Variants in TOM1L1 observed in about 807,000 individuals in gnomAD.
TOM1L1 encodes the protein TOM1-like protein 1.
A neutral mutation model predicts 63.4 loss-of-function variants in TOM1L1; 64 were observed. The observed-to-expected ratio is 1.01, with a 90% confidence interval of 0.83 to 1.24. The LOEUF (loss-of-function observed/expected upper bound fraction) is 1.24. TOM1L1 is among the 50% of genes most tolerant of loss of function. TOM1L1 has a pLI of 0.00. For synonymous variants in TOM1L1, 166 were observed against 194.4 expected (o/e 0.85, Z 1.22); for missense variants, 536 against 567.0 (o/e 0.95, Z 0.55).
At chr17:54,930,434 G>A (rs920534484) in intron 8 of TOM1L1, 2 of 459,182 alleles carry the variant, frequency 4.4e-6, no homozygotes, top group African/African-American at 2.0e-5. Context: ...GCCCAGCATG[G>A]TGGCTCCCAG....
chr17:54,903,312 CTCA>C (rs1447670760), intron 1 of TOM1L1, among the ~76,000 whole-genome samples: 1 of 152,244 alleles, frequency 6.6e-6, no homozygotes, highest in Non-Finnish European at 1.5e-5. Context: ...GAACTTCTAT[CTCA>C]TCATCTCTCA....
intron 7 of TOM1L1, among the ~76,000 whole-genome samples, chr17:54,918,634 T>G (rs2048630775): frequency 6.6e-6 from 1 of 152,182 alleles, no homozygotes; most frequent in Non-Finnish European, 1.5e-5. Flanking sequence ...AAAAATCCTC[T>G]GGTGGTGTTG....
At chr17:54,955,915 C>G (rs946183081) in intron 14 of TOM1L1, among the ~76,000 whole-genome samples, 1 of 152,172 alleles carries the variant, frequency 6.6e-6, no homozygotes, top group Non-Finnish European at 1.5e-5. Context: ...GTGGACTACA[C>G]TAGACACCAG....
At chr17:54,946,097 A>G (rs2049113935) in intron 11 of TOM1L1, among the ~76,000 whole-genome samples, 1 of 152,210 alleles carries the variant, frequency 6.6e-6, no homozygotes, top group South Asian at 2.1e-4. Context: ...AATGTCAGCT[A>G]CATTTTCAAA....
At position 54,915,765 on chromosome 17, in the gene TOM1L1, A is replaced by G; in HGVS notation, c.623A>G (p.Glu208Gly). 1 of 1,611,014 alleles carries G rather than the reference A, an allele frequency of 6.2e-7. No individual in the cohort carries two copies. ...VPEQIGKLHS[E>G]LDMVKMNVRV... Reference sequence around the variant, plus strand: ...CTACAGATTGGAAAACTGCACAGTGAATTGGATATGGTGAAAATGAATGTG... The same window carrying G: ...CTACAGATTGGAAAACTGCACAGTGGATTGGATATGGTGAAAATGAATGTG... The change falls in exon 7 of 16, where the codon GAA becomes GGA. Residue 208 changes from glutamate (E) to glycine (G), a missense_variant. Coordinates refer to ENST00000575882, the MANE Select transcript of TOM1L1 (RefSeq NM_005486.3).
At chr17:54,935,972 A>C (rs945038532) in intron 8 of TOM1L1, among the ~76,000 whole-genome samples, 4 of 152,024 alleles carry the variant, frequency 2.6e-5, no homozygotes, top group African/African-American at 9.7e-5. Context: ...AAAATACAAA[A>C]ATTAGCTGGG....
intron 3 of TOM1L1, among the ~76,000 whole-genome samples, chr17:54,911,237 G>C (rs1316186322): frequency 1.3e-5 from 2 of 152,116 alleles, no homozygotes; most frequent in Non-Finnish European, 2.9e-5. Flanking sequence ...CCAAAGGGGT[G>C]CCTTATGTAT....
At chr17:54,901,608 C>G (rs1178041940) in intron 1 of TOM1L1, among the ~76,000 whole-genome samples, 1 of 152,060 alleles carries the variant, frequency 6.6e-6, no homozygotes, top group Admixed American at 6.6e-5. Context: ...GGACTCCTAC[C>G]AGCACCAGCT....
intron 1 of TOM1L1, chr17:54,901,221 A>T (rs1214758427): frequency 2.3e-6 from 1 of 442,262 alleles, no homozygotes; most frequent in Non-Finnish European, 4.1e-6. Flanking sequence ...TTGGGCCTCC[A>T]CGAGGAGACA....
chr17:54,934,515 A>G (rs1362082581), intron 8 of TOM1L1, among the ~76,000 whole-genome samples: 3 of 152,112 alleles, frequency 2.0e-5, no homozygotes, highest in Admixed American at 2.0e-4. Context: ...TCTGGCCCCT[A>G]AAGATTCATA....
At chr17:54,901,959 T>C (rs2048333849) in intron 1 of TOM1L1, among the ~76,000 whole-genome samples, 1 of 152,102 alleles carries the variant, frequency 6.6e-6, no homozygotes, top group South Asian at 2.1e-4. Flanking sequence ...TGTGTCTTCA[T>C]AGGCAAACGA....
intron 14 of TOM1L1, chr17:54,954,632 C>A (rs947031756): frequency 1.3e-5 from 2 of 152,238 alleles, no homozygotes; most frequent in East Asian, 3.9e-4. Context: ...GGTTCCAGTC[C>A]CCGAGTAGAG....
chr17:54,961,014 C>T (rs2077107126), intron 15 of TOM1L1: 2 of 566,336 alleles, frequency 3.5e-6, no homozygotes, highest in Non-Finnish European at 6.2e-6. Context: ...TTCCTATTTT[C>T]AGCACTACTA....
At chr17:54,942,901 T>C (rs1036966464) in intron 11 of TOM1L1, among the ~76,000 whole-genome samples, 2 of 152,214 alleles carry the variant, frequency 1.3e-5, no homozygotes, top group Admixed American at 6.5e-5. Flanking sequence ...TAGTTTGTCT[T>C]TGAGAATGTC....
chr17:54,910,920 G>A (rs1319894953), intron 3 of TOM1L1, among the ~76,000 whole-genome samples: 1 of 152,214 alleles, frequency 6.6e-6, no homozygotes, highest in Admixed American at 6.5e-5. Context: ...AGCATGGCAT[G>A]AAGTCCATTT....
chr17:54,946,078 G>A (rs535035555), intron 11 of TOM1L1, among the ~76,000 whole-genome samples: 2 of 152,206 alleles, frequency 1.3e-5, no homozygotes, highest in East Asian at 3.9e-4. Context: ...TTCTATGGGC[G>A]GTGGCTCCAA....
chr17:54,923,360 A>G (rs76251350), intron 7 of TOM1L1, among the ~76,000 whole-genome samples: 2,944 of 152,046 alleles, frequency 0.019, 63 homozygotes, highest in East Asian at 0.13. Flanking sequence ...ATGCAGTACT[A>G]CTAGGATTCC....
chr17:54,911,655 C>T (rs544088108), intron 3 of TOM1L1, among the ~76,000 whole-genome samples: 1 of 152,286 alleles, frequency 6.6e-6, no homozygotes, highest in African/African-American at 2.4e-5. Context: ...CATGACTCCT[C>T]CTTTTCTTGT....
intron 3 of TOM1L1, 134 bp from the exon 4 acceptor site, chr17:54,912,532 T>C: frequency 2.8e-6 from 2 of 715,068 alleles, no homozygotes; most frequent in South Asian, 4.9e-5. Context: ...TTTTGCCATA[T>C]ATTTTAGTAG....
Sources: gnomAD v4.1 joint callset for allele counts (sites outside exome capture counted in the v4.1 genomes callset) on GRCh38, gnomAD v4.1.1 for gene constraint, MANE v1.5 for transcripts, NCBI Gene and HGNC (gene_info 2026-07-23, HGNC 2026-07-21) for gene names.